BSN: variants seen among roughly 807,000 people sequenced by gnomAD.
BSN encodes the protein bassoon presynaptic cytomatrix protein.
In BSN, 57 loss-of-function variants were observed where a neutral mutation model predicts 264.8. That is an observed-to-expected ratio of 0.22 (90% confidence interval 0.17 to 0.27). The LOEUF is 0.27. Ranked by LOEUF, BSN falls within the 10% of genes least tolerant of loss-of-function variation. The pLI, the probability that BSN is intolerant of heterozygous loss-of-function variation, is 1.00. For synonymous variants in BSN, 2,059 were observed against 2,137.3 expected, an observed-to-expected ratio of 0.96 and a Z score of 1.01; for missense variants, 4,615 against 5,232.5, an observed-to-expected ratio of 0.88 and a Z score of 3.64.
chr3:49,652,350 A>C lies in BSN; in HGVS notation c.2794A>C (p.Lys932Gln). 6.2e-7 allele frequency: 1 copy of C among 1,605,736 alleles called. No homozygotes were observed. The highest frequency in any genetic ancestry group is 8.5e-7 in the Non-Finnish European group (1 of 1,175,690). The change falls in exon 5 of 12, where the codon AAG (lysine) becomes CAG (glutamine). Residue 932 changes from lysine (K) to glutamine (Q), a missense_variant. Physicochemically the swap from Lys to Gln is moderately conservative, Grantham distance 53. Around this residue, in one of 3 missense-constraint regions of BSN, gnomAD observed 1,197 missense variants for 1,348.0 expected, o/e 0.89. Transcript: ENST00000296452. ...CCTGCAGGGTGGGCTCCGTCGCTTC[A>C]AGACCATTGAGCTCAACAGCACGGG... Reference protein sequence around the residue: ...GTLQGGLRRFKTIELNSTGSY... With the variant: ...GTLQGGLRRFQTIELNSTGSY...
At chr3:49,581,839 A>G (rs2051897455) in intron 1 of BSN, among the ~76,000 whole-genome samples, 1 of 152,158 alleles carries the variant, frequency 6.6e-6, no homozygotes, top group African/African-American at 2.4e-5. Context: ...AAACCCAAAA[A>G]ACAAAACAAA....
In BSN at chr3:49,661,571, G is replaced by C; in HGVS notation, c.9726G>C (p.Lys3242Asn). 4 of 1,613,956 alleles carry C rather than the reference G, an allele frequency of 2.5e-6. 1 individual carries two copies. In the Middle Eastern group the frequency reaches 4.9e-4, roughly 200 times the overall value. Residue 3242 changes from lysine (K) to asparagine (N), a missense_variant, in exon 6 of 12, where the codon AAG becomes AAC. Physicochemically the swap from Lys to Asn is moderately conservative, Grantham distance 94. Transcript: ENST00000296452. ...VMIDDISELT[K>N]DSTSTAPDSQ... ...TTGATGACATCAGTGAACTGACCAAGGACAGCACCTCTACTGCTCCTGATA... is the reference window on the plus strand; with the variant it reads ...TTGATGACATCAGTGAACTGACCAACGACAGCACCTCTACTGCTCCTGATA...
Position 49,652,607 on chromosome 3 carries a change from A to T in BSN, c.3051A>T (p.Glu1017Asp). 1 of 1,613,508 alleles carries T rather than the reference A, an allele frequency of 6.2e-7. No individual in the cohort carries two copies. The highest frequency in any genetic ancestry group is 8.5e-7 in the Non-Finnish European group (1 of 1,179,896). ...GCCCCAGCCGCAGGCAGCGTCTAGA[A>T]GAAGCAAAGCAGCAGCGCAAGGCCC... ...DSSPSRRQRL[E>D]EAKQQRKARH... is the part of the protein sequence containing the mutation. The change falls in exon 5 of 12, where the codon GAA becomes GAT. Residue 1017 changes from glutamate to aspartate, a missense_variant. Coordinates refer to ENST00000296452, the MANE Select transcript of BSN (RefSeq NM_003458.4).
chr3:49,631,247 C>T (rs1474473312), intron 2 of BSN, among the ~76,000 whole-genome samples: 1 of 151,790 alleles, frequency 6.6e-6, no homozygotes, highest in South Asian at 2.1e-4. Context: ...GCTGTTGGTA[C>T]GATGCTGAGA....
intron 1 of BSN, among the ~76,000 whole-genome samples, chr3:49,618,544 G>C (rs571886697): frequency 6.6e-6 from 1 of 152,324 alleles, no homozygotes; most frequent in Admixed American, 6.5e-5. Context: ...TTCCCAATTA[G>C]CTCAGGTAGT....
Position 49,654,992 on chromosome 3 carries a change from C to T in BSN, c.5436C>T (p.Ala1812=). Residue 1812 remains alanine (A), a synonymous_variant, in exon 5 of 12, where the codon GCC becomes GCT. Transcript: ENST00000296452. This position sits in a 1 kb window ranked among gnomAD's most constrained non-coding sequence, Gnocchi z 4.1. The part of the protein sequence containing the change: ...YNLPNQVAPL[A]RRDVLITQMG... ...TACCCAACCAAGTAGCTCCTCTGGC[C>T]AGAAGAGACGTTTTGATCACTCAGA... 6.2e-7 allele frequency: 1 copy of T among 1,613,262 alleles called. No homozygotes were observed. Among genetic ancestry groups the T allele is most frequent in the Non-Finnish European group, 8.5e-7 (1 of 1,179,948 alleles).
chr3:49,589,009 C>T (rs1403818576), intron 1 of BSN, among the ~76,000 whole-genome samples: 3 of 150,812 alleles, frequency 2.0e-5, no homozygotes, highest in African/African-American at 7.3e-5. Context: ...CCGCCTCCCG[C>T]GTTTACGCCA....
intron 2 of BSN, among the ~76,000 whole-genome samples, chr3:49,628,408 C>T (rs2052359471): frequency 6.6e-6 from 1 of 152,220 alleles, no homozygotes; most frequent in Non-Finnish European, 1.5e-5. Context: ...CTGAGTGCTG[C>T]AGAAACAGCA....
intron 2 of BSN, among the ~76,000 whole-genome samples, chr3:49,635,085 G>A (rs750155909): frequency 6.6e-6 from 1 of 152,176 alleles, no homozygotes; most frequent in African/African-American, 2.4e-5. Context: ...GATGTGGAGG[G>A]TAGGAGATGG....
In BSN at chr3:49,642,934, G is replaced by A; in HGVS notation, c.1300G>A (p.Gly434Arg). ...SGPGALPKTGGTTSPKHGRAE... is the reference protein window; with the variant it reads ...SGPGALPKTGRTTSPKHGRAE... ...ACCTGGAGCCCTGCCGAAAACTGGG[G>A]GAACAACCAGTCCAAAGCATGGCAG... Residue 434 changes from glycine to arginine, a missense_variant, in exon 3 of 12, where the codon GGA becomes AGA. By Grantham distance (125) the Gly-to-Arg change is moderately radical. Coordinates refer to ENST00000296452, the MANE Select transcript of BSN (RefSeq NM_003458.4). This position sits in a 1 kb window ranked among gnomAD's most constrained non-coding sequence, Gnocchi z 7.0. The A allele has an allele frequency of 6.2e-7, 1 of 1,614,134 alleles. No homozygotes were observed. Among genetic ancestry groups the A allele is most frequent in the Non-Finnish European group, 8.5e-7 (1 of 1,180,042 alleles).
chr3:49,592,924 A>G (rs1412135119), intron 1 of BSN, among the ~76,000 whole-genome samples: 1 of 152,102 alleles, frequency 6.6e-6, no homozygotes, highest in Non-Finnish European at 1.5e-5. Context: ...TGTGTGCTTA[A>G]GTTGTATACA....
At chr3:49,570,092 C>T (rs1025716244) in intron 1 of BSN, among the ~76,000 whole-genome samples, 3 of 152,172 alleles carry the variant, frequency 2.0e-5, no homozygotes, top group South Asian at 4.1e-4. Flanking sequence ...GCTCGGAAGC[C>T]AACAGACTGG....
chr3:49,648,145 G>C lies in BSN; in HGVS notation c.1519-2467G>C, dbSNP rs1003922743. Among the ~76,000 whole-genome samples the C allele has an allele frequency of 8.5e-5, 13 of 152,362 alleles. No individual in the cohort carries two copies. In the South Asian group the frequency reaches 2.3e-3, roughly 27 times the overall value. ...AGGCAAGCTGGCCTCTCCAGCATTT[G>C]GTCAGAGCACTTAACATTAGGTCTG... is the stretch of plus-strand genomic sequence containing the variant. On this transcript the variant is annotated intron_variant, in intron 3 of 11. Coordinates refer to ENST00000296452, the MANE Select transcript of BSN (RefSeq NM_003458.4).
chr3:49,665,088 G>A (rs1392858906), intron 10 of BSN, 141 bp from the exon 11 acceptor site: 2 of 460,674 alleles, frequency 4.3e-6, no homozygotes, highest in Admixed American at 4.0e-5. Flanking sequence ...CAAAGGAGGG[G>A]CCAAAGCCAG....
Position 49,661,559 on chromosome 3 carries a change from T to C in BSN, c.9714T>C (p.Ser3238=). ...PRNYVMIDDI[S]ELTKDSTSTA... is the part of the protein sequence containing the mutation. ...ACTACGTAATGATTGATGACATCAG[T>C]GAACTGACCAAGGACAGCACCTCTA... is the stretch of plus-strand genomic sequence containing the variant. The change falls in exon 6 of 12, where the codon AGT becomes AGC. Residue 3238 remains serine, a synonymous_variant. Coordinates refer to ENST00000296452, the MANE Select transcript of BSN (RefSeq NM_003458.4). The C allele has an allele frequency of 6.2e-7, 1 of 1,614,006 alleles. No individual in the cohort carries two copies. Among genetic ancestry groups the C allele is most frequent in the Non-Finnish European group, 8.5e-7 (1 of 1,180,038 alleles).
Position 49,625,810 on chromosome 3 carries a change from C to T in BSN, c.633+427C>T, listed in dbSNP as rs2052338288. The stretch of plus-strand genomic sequence containing the variant: ...GAGGCCTCTGTCTTTGACAGCAGGC[C>T]CTAGATGGGGATGCTGGTGAGGGGA... On this transcript the variant is annotated intron_variant, in intron 2 of 11. Transcript: ENST00000296452. This position sits in a 1 kb window ranked among gnomAD's most constrained non-coding sequence, Gnocchi z 4.4. Among the ~76,000 whole-genome samples, 1 of 152,118 alleles carries T rather than the reference C, an allele frequency of 6.6e-6. No homozygotes were observed.
At chr3:49,612,281 G>A (rs1006639272) in intron 1 of BSN, among the ~76,000 whole-genome samples, 49 of 152,278 alleles carry the variant, frequency 3.2e-4, no homozygotes, top group African/African-American at 7.5e-4. Flanking sequence ...GATTACAGGC[G>A]CATGCCGCCA....
At chr3:49,571,852 G>A (rs1292987707) in intron 1 of BSN, among the ~76,000 whole-genome samples, 1 of 152,088 alleles carries the variant, frequency 6.6e-6, no homozygotes, top group Non-Finnish European at 1.5e-5. Flanking sequence ...TAGGCATAAG[G>A]GATAGAGGTA....
Position 49,584,398 on chromosome 3 carries a change from G to A in BSN, c.224+29572G>A, listed in dbSNP as rs188150730. Among the ~76,000 whole-genome samples the A allele has an allele frequency of 3.3e-5, 5 of 151,342 alleles. No homozygotes were observed. In the East Asian group the frequency reaches 9.7e-4, roughly 29 times the overall value. On this transcript the variant is annotated intron_variant, in intron 1 of 11. Coordinates refer to ENST00000296452, the MANE Select transcript of BSN (RefSeq NM_003458.4). ...ATTTTCTTCATTATATTTACATTGT[G>A]TTTAGTTTGCTCTTCTTTTTCTAAG...
Sources: gnomAD v4.1 joint callset for allele counts (sites outside exome capture counted in the v4.1 genomes callset) on GRCh38, gnomAD v4.1.1 for gene constraint, gnomAD v4.1.1 regional missense constraint, Gnocchi (gnomAD v3.1) non-coding constraint, MANE v1.5 for transcripts, NCBI Gene and HGNC (gene_info 2026-07-23, HGNC 2026-07-21) for gene names.